Variants in RBFOX1 observed in about 807,000 individuals in gnomAD.
RBFOX1 encodes the protein RNA binding protein fox-1 homolog 1.
A neutral mutation model predicts 57.7 loss-of-function variants in RBFOX1; 8 were observed. The observed-to-expected ratio is 0.14, with a 90% CI of 0.08 to 0.25. The LOEUF is 0.25. Among genes scored for constraint, RBFOX1 ranks in the 10% least tolerant of loss-of-function variants. The pLI, the probability that RBFOX1 is intolerant of heterozygous loss-of-function variation, is 1.00. For synonymous variants in RBFOX1, 326 were observed against 222.4 expected (o/e 1.47, Z -4.15); for missense variants, 611 against 548.5 (o/e 1.11, Z -1.14).
intron 3 of RBFOX1, among the ~76,000 whole-genome samples, chr16:7,039,078 G>A (rs761667669): frequency 6.6e-6 from 1 of 152,074 alleles, no homozygotes; most frequent in Non-Finnish European, 1.5e-5. Context: ...GTGTTGTCCT[G>A]CCTGGGAGAT....
intron 13 of RBFOX1, among the ~76,000 whole-genome samples, chr16:7,673,070 T>G (rs61302117): frequency 6.2e-4 from 94 of 152,178 alleles, no homozygotes; most frequent in African/African-American, 2.2e-3. Context: ...TAAGCTGATT[T>G]ACTTTCCTAT....
intron 3 of RBFOX1, among the ~76,000 whole-genome samples, chr16:6,882,362 G>C (rs960825250): frequency 2.0e-5 from 3 of 152,064 alleles, no homozygotes; most frequent in Non-Finnish European, 4.4e-5. Flanking sequence ...TATAATTACA[G>C]TTTAGTCACC....
chr16:6,699,348 G>A (rs1183552324), intron 3 of RBFOX1, among the ~76,000 whole-genome samples: 1 of 151,034 alleles, frequency 6.6e-6, no homozygotes, highest in Non-Finnish European at 1.5e-5. Flanking sequence ...ACTAAAATAA[G>A]GTTCTCTGTA....
At chr16:6,780,572 T>TTA (rs1454680356) in intron 3 of RBFOX1, among the ~76,000 whole-genome samples, 6 of 126,058 alleles carry the variant, frequency 4.8e-5, no homozygotes, top group Non-Finnish European at 7.7e-5. Context: ...TTATATATAT[T>TTA]TATATATATA....
At position 6,039,983 on chromosome 16, in the gene RBFOX1, A is replaced by T. The variant is rs542203366; in HGVS notation, c.-127+19991A>T. Among the ~76,000 whole-genome samples the T allele has an allele frequency of 5.3e-5, 8 of 152,332 alleles. No individual in the cohort carries two copies. The South Asian group carries it at 6.2e-4, about 12-fold the overall frequency. On this transcript the variant is annotated intron_variant, in intron 1 of 15. Transcript: ENST00000550418. ...GCCATGATAGAGAGGTGCTTACAGC[A>T]TGGCAGCTTTTGTCCTTTAGAGCAA...
At chr16:5,677,466 G>A (rs184030208) in intron 3 of RBFOX1, among the ~76,000 whole-genome samples, 1 of 152,194 alleles carries the variant, frequency 6.6e-6, no homozygotes, top group Non-Finnish European at 1.5e-5. Context: ...ATGTGCTTAC[G>A]AGTGATTAGG....
chr16:5,387,530 A>G (rs974944894), intron 1 of RBFOX1, among the ~76,000 whole-genome samples: 3 of 152,224 alleles, frequency 2.0e-5, no homozygotes, highest in Admixed American at 6.5e-5. Context: ...TGATGTGATG[A>G]AAAGACTGCC....
intron 4 of RBFOX1, among the ~76,000 whole-genome samples, chr16:7,512,748 C>G (rs781363556): frequency 3.9e-5 from 6 of 152,220 alleles, no homozygotes; most frequent in African/African-American, 9.6e-5. Context: ...CTCGGATAGC[C>G]TCAAGGCATT....
intron 4 of RBFOX1, among the ~76,000 whole-genome samples, chr16:5,956,678 A>ATATATATATATATATATTTTTTTT (rs368096576): frequency 8.6e-6 from 1 of 116,504 alleles, no homozygotes; most frequent in African/African-American, 3.5e-5. Flanking sequence ...ATATATATAT[A>ATATATATATATATATATTTTTTTT]TTTTTTTTGA....
chr16:6,005,051 A>T (rs368193330), intron 4 of RBFOX1, among the ~76,000 whole-genome samples: 1 of 152,220 alleles, frequency 6.6e-6, no homozygotes, highest in African/African-American at 2.4e-5. Flanking sequence ...AGTGTGTTTT[A>T]ATGGGAGTGT....
intron 4 of RBFOX1, among the ~76,000 whole-genome samples, chr16:7,223,482 T>C (rs1041790892): frequency 6.6e-6 from 1 of 152,152 alleles, no homozygotes; most frequent in Non-Finnish European, 1.5e-5. Context: ...AATGATAGAA[T>C]ATTATAGGTT....
Position 6,988,745 on chromosome 16 carries a change from T to A in RBFOX1, c.-15-63312T>A, listed in dbSNP as rs57984030. 1.3e-4 allele frequency among the ~76,000 whole-genome samples: 7 copies of A among 55,216 alleles called. 1 individual carries two copies. The allele number at this position is 55,216 out of a possible 152,430, so 36.2% of individuals were successfully genotyped here. A position where few individuals can be genotyped will look rare whatever the true frequency, so the allele number is the denominator to read the frequency against. On this transcript the variant is annotated intron_variant, in intron 3 of 15. Transcript: ENST00000550418. Reference sequence around the variant, plus strand: ...ACACCCAGCTAATTTTTTTTTTTGTTTGTTTGTTTTTTGTTTTTTGTTTTT... The same window carrying A: ...ACACCCAGCTAATTTTTTTTTTTGTATGTTTGTTTTTTGTTTTTTGTTTTT...
chr16:7,070,199 G>C (rs561316226), intron 4 of RBFOX1, among the ~76,000 whole-genome samples: 1 of 152,300 alleles, frequency 6.6e-6, no homozygotes, highest in Non-Finnish European at 1.5e-5. Context: ...CAGAGCACGA[G>C]GTTTTGATGG....
At chr16:7,028,997 T>G (rs1264081233) in intron 3 of RBFOX1, among the ~76,000 whole-genome samples, 1 of 139,296 alleles carries the variant, frequency 7.2e-6, no homozygotes, top group Non-Finnish European at 1.5e-5. Flanking sequence ...CCAGATGAAC[T>G]TAACTAACGG....
intron 4 of RBFOX1, among the ~76,000 whole-genome samples, chr16:7,313,491 C>G (rs1351610056): frequency 1.5e-5 from 2 of 132,766 alleles, no homozygotes; most frequent in African/African-American, 2.8e-5. Context: ...TTTTTTAAGG[C>G]TCTTTGGTTC....
intron 3 of RBFOX1, among the ~76,000 whole-genome samples, chr16:6,890,792 C>G (rs924841755): frequency 8.2e-4 from 125 of 152,180 alleles, no homozygotes; most frequent in African/African-American, 2.8e-3. Context: ...CGTACCCACT[C>G]TCTGTTCTGT....
At chr16:6,782,048 C>T (rs936260148) in intron 3 of RBFOX1, among the ~76,000 whole-genome samples, 6 of 152,132 alleles carry the variant, frequency 3.9e-5, no homozygotes, top group Non-Finnish European at 4.4e-5. Context: ...TGCTCTGTCA[C>T]TGGGCTGGAG....
intron 2 of RBFOX1, among the ~76,000 whole-genome samples, chr16:5,577,653 A>G (rs928739744): frequency 2.6e-5 from 4 of 152,188 alleles, no homozygotes; most frequent in African/African-American, 4.8e-5. Flanking sequence ...ATCATTTGCA[A>G]AATTTTAAAA....
intron 3 of RBFOX1, among the ~76,000 whole-genome samples, chr16:5,707,622 A>T (rs1407242281): frequency 2.6e-5 from 4 of 152,218 alleles, no homozygotes; most frequent in Admixed American, 2.6e-4. Context: ...TCCAGGGAAG[A>T]TACAGCTGGC....
Sources: allele counts gnomAD v4.1 joint callset (sites outside exome capture counted in the v4.1 genomes callset), GRCh38; gene constraint gnomAD v4.1.1; transcripts MANE v1.5; gene names NCBI Gene and HGNC (gene_info 2026-07-23, HGNC 2026-07-21).